DOCK3: variants seen among roughly 807,000 people sequenced by gnomAD.
The protein encoded by DOCK3 is dedicator of cytokinesis 3.
Under a neutral mutation model 265.6 loss-of-function variants are expected in DOCK3, and 60 were observed. The ratio of observed to expected loss-of-function variants is 0.23; its 90% CI spans 0.18 to 0.28. The LOEUF is 0.28. Among genes scored for constraint, DOCK3 ranks in the 10% least tolerant of loss-of-function variants. DOCK3 has a pLI of 1.00. For missense variants in DOCK3, 1,981 were observed against 2,594.3 expected (o/e 0.76, Z 5.14); for synonymous variants, 881 against 938.0 (o/e 0.94, Z 1.11).
chr3:50,866,419 A>T (rs1364312142), intron 3 of DOCK3, among the ~76,000 whole-genome samples: 1 of 151,280 alleles, frequency 6.6e-6, no homozygotes, highest in Non-Finnish European at 1.5e-5. Flanking sequence ...AGGGAGTCAG[A>T]GGTTGTGGTT....
At chr3:51,025,918 CT>C (rs1431521143) in intron 5 of DOCK3, among the ~76,000 whole-genome samples, 1 of 152,152 alleles carries the variant, frequency 6.6e-6, no homozygotes, top group Non-Finnish European at 1.5e-5. Context: ...CAGAGGCAGA[CT>C]CTCCCCTTCT....
rs1331892678 is a variant in DOCK3 at position 51,269,147 on chromosome 3, A to T, written c.2356-1668A>T. On this transcript the variant is annotated intron_variant, in intron 23 of 52. Transcript: ENST00000266037. ...TCTCTCTCTCTCTCTCTATATATAT[A>T]TATTTATTTATACGTATAATAATAT... is the stretch of plus-strand genomic sequence containing the variant. Among the ~76,000 whole-genome samples the T allele has an allele frequency of 2.0e-4, 30 of 147,700 alleles. No homozygotes were observed. In the East Asian group the frequency reaches 3.5e-3, roughly 17 times the overall value.
chr3:50,994,559 T>G (rs1359422136), intron 5 of DOCK3, among the ~76,000 whole-genome samples: 1 of 152,208 alleles, frequency 6.6e-6, no homozygotes, highest in African/African-American at 2.4e-5. Context: ...TGGGAAAAGA[T>G]TTTGAAGAAC....
chr3:50,925,980 G>A (rs751221328), intron 4 of DOCK3, among the ~76,000 whole-genome samples: 36 of 151,522 alleles, frequency 2.4e-4, no homozygotes, highest in Non-Finnish European at 4.6e-4. Context: ...TACAAGGCAC[G>A]CACCACCAAG....
chr3:50,870,966 T>G (rs1449778286), intron 3 of DOCK3, among the ~76,000 whole-genome samples: 1 of 152,148 alleles, frequency 6.6e-6, no homozygotes, highest in Non-Finnish European at 1.5e-5. Flanking sequence ...CTGCCTATCC[T>G]GAATAGTTGT....
chr3:51,305,023 GA>G (rs2082575696), intron 27 of DOCK3, among the ~76,000 whole-genome samples: 1 of 152,232 alleles, frequency 6.6e-6, no homozygotes, highest in Non-Finnish European at 1.5e-5. Flanking sequence ...TGCATTTGAG[GA>G]AAACGTGTGT....
chr3:50,759,869 AAAATC>A (rs2040420669), intron 1 of DOCK3, among the ~76,000 whole-genome samples: 1 of 151,738 alleles, frequency 6.6e-6, no homozygotes, highest in African/African-American at 2.4e-5. Context: ...AAAAAAAAAA[AAAATC>A]TGTTTGTTTG....
chr3:50,968,039 AT>A (rs59658600), intron 5 of DOCK3, among the ~76,000 whole-genome samples: 1 of 152,082 alleles, frequency 6.6e-6, no homozygotes, highest in Non-Finnish European at 1.5e-5. Flanking sequence ...TCTCACCAGA[AT>A]TTTTTTATAT....
At chr3:50,740,283 G>T (rs2038931714) in intron 1 of DOCK3, among the ~76,000 whole-genome samples, 1 of 152,018 alleles carries the variant, frequency 6.6e-6, no homozygotes, top group South Asian at 2.1e-4. Context: ...TAGATATATG[G>T]ATTATTACCA....
intron 5 of DOCK3, among the ~76,000 whole-genome samples, chr3:51,059,422 A>G (rs1443912344): frequency 1.3e-5 from 2 of 150,474 alleles, no homozygotes; most frequent in African/African-American, 4.9e-5. Context: ...CCTCAGTATC[A>G]GTATACTTCA....
At chr3:51,111,801 C>T (rs1050460840) in intron 9 of DOCK3, among the ~76,000 whole-genome samples, 2 of 152,128 alleles carry the variant, frequency 1.3e-5, no homozygotes, top group Non-Finnish European at 2.9e-5. Context: ...AAAATTTTTG[C>T]AACCTGTGCA....
chr3:51,013,894 C>T (rs998409887), intron 5 of DOCK3, among the ~76,000 whole-genome samples: 1 of 152,224 alleles, frequency 6.6e-6, no homozygotes, highest in Non-Finnish European at 1.5e-5. Context: ...GCCCCTCCCC[C>T]AGCCATGCTT....
At chr3:50,903,329 A>C (rs1196508386) in intron 4 of DOCK3, among the ~76,000 whole-genome samples, 1 of 152,060 alleles carries the variant, frequency 6.6e-6, no homozygotes, top group Non-Finnish European at 1.5e-5. Flanking sequence ...TATTATTTTG[A>C]GTTATAGTCC....
intron 9 of DOCK3, among the ~76,000 whole-genome samples, chr3:51,109,220 A>G (rs560082163): frequency 6.6e-6 from 1 of 152,330 alleles, no homozygotes; most frequent in South Asian, 2.1e-4. Context: ...AGAATAGGAA[A>G]ATCTCTCAAA....
chr3:50,734,427 A>G (rs1312924203), intron 1 of DOCK3, among the ~76,000 whole-genome samples: 1 of 152,120 alleles, frequency 6.6e-6, no homozygotes, highest in Non-Finnish European at 1.5e-5. Flanking sequence ...ACTTGAGCCC[A>G]GGAGCTCAAG....
intron 32 of DOCK3, among the ~76,000 whole-genome samples, chr3:51,324,726 C>G (rs574734607): frequency 6.6e-6 from 1 of 152,212 alleles, no homozygotes; most frequent in African/African-American, 2.4e-5. Flanking sequence ...GATATATAGA[C>G]CAATGGAACC....
At position 51,226,507 on chromosome 3, in the gene DOCK3, C is replaced by A. The variant is rs1453157300; in HGVS notation, c.1377+734C>A. The stretch of plus-strand genomic sequence containing the variant: ...GGAAAAGGGTAAAATTAGTCAAAAT[C>A]ATTTCCCAAATCAAGACAGAAATAG... On this transcript the variant is annotated intron_variant, in intron 15 of 52. Transcript: ENST00000266037. 4.6e-5 allele frequency among the ~76,000 whole-genome samples: 7 copies of A among 152,332 alleles called. No individual in the cohort carries two copies. The East Asian group carries it at 1.3e-3, about 29-fold the overall frequency.
At chr3:50,975,125 C>A (rs1352185749) in intron 5 of DOCK3, among the ~76,000 whole-genome samples, 1 of 148,000 alleles carries the variant, frequency 6.8e-6, no homozygotes, top group Non-Finnish European at 1.5e-5. Context: ...AATTGAATAC[C>A]CTTTATTTCC....
At chr3:51,241,579 C>G (rs1027916452) in intron 21 of DOCK3, among the ~76,000 whole-genome samples, 1 of 152,174 alleles carries the variant, frequency 6.6e-6, no homozygotes, top group African/African-American at 2.4e-5. Flanking sequence ...GATTTGGTCT[C>G]TTTACATAAT....
Sources: allele counts gnomAD v4.1 joint callset (sites outside exome capture counted in the v4.1 genomes callset), GRCh38; gene constraint gnomAD v4.1.1; transcripts MANE v1.5; gene names NCBI Gene and HGNC (gene_info 2026-07-23, HGNC 2026-07-21).